PIK3R3: variants seen among roughly 807,000 people sequenced by gnomAD.
PIK3R3 encodes the protein phosphatidylinositol 3-kinase regulatory subunit gamma.
In PIK3R3, 64 loss-of-function variants were observed where a neutral mutation model predicts 62.9. The ratio of observed to expected loss-of-function variants is 1.02; its 90% CI spans 0.83 to 1.25. The LOEUF (loss-of-function observed/expected upper bound fraction) is 1.25, where lower values mean the gene tolerates loss of function less well. Among genes scored for constraint, PIK3R3 ranks in the 50% most tolerant of loss-of-function variants. PIK3R3 has a pLI of 0.00. For synonymous variants in PIK3R3, 165 were observed against 189.0 expected (o/e 0.87, Z 1.04); for missense variants, 614 against 561.6 (o/e 1.09, Z -0.94).
At chr1:46,132,955 G>GC, upstream of PIK3R3, 1 of 1,125,382 alleles carries the variant, frequency 8.9e-7, no homozygotes, top group Non-Finnish European at 1.1e-6. Context: ...AGGAGTCAGT[G>GC]CCGGGAGCAC....
the PIK3R3 span, among the ~76,000 whole-genome samples, chr1:46,140,639 G>T: frequency 1.4e-5 from 2 of 146,816 alleles, no homozygotes; most frequent in African/African-American, 2.5e-5. Context: ...TGTGAAGACA[G>T]TAATAGAGAT....
intron 1 of PIK3R3, among the ~76,000 whole-genome samples, chr1:46,095,000 T>G (rs1431604709): frequency 6.6e-6 from 1 of 152,180 alleles, no homozygotes; most frequent in East Asian, 1.9e-4. Context: ...CTACTATTTC[T>G]CTCTGAAAAT....
chr1:46,159,264 AT>A, the PIK3R3 span, among the ~76,000 whole-genome samples: 1 of 152,088 alleles, frequency 6.6e-6, no homozygotes, highest in Non-Finnish European at 1.5e-5. Flanking sequence ...TTTCCACTAG[AT>A]TATAAATTCC....
At chr1:46,131,336 T>C (rs2149480728) in intron 1 of PIK3R3, among the ~76,000 whole-genome samples, 1 of 150,756 alleles carries the variant, frequency 6.6e-6, no homozygotes, top group South Asian at 2.1e-4. Context: ...AAAAAGGGAG[T>C]CTTACAATGA....
chr1:46,133,070 T>C (rs1012622595), upstream of PIK3R3: 13 of 1,003,232 alleles, frequency 1.3e-5, no homozygotes, highest in African/African-American at 1.9e-4. Context: ...TTTGTCTGCC[T>C]TGCTCCTGCG....
chr1:46,116,200 T>C (rs991636906), intron 1 of PIK3R3, among the ~76,000 whole-genome samples: 5 of 152,034 alleles, frequency 3.3e-5, no homozygotes, highest in Non-Finnish European at 7.4e-5. Flanking sequence ...CCACAAAGCA[T>C]CCCAGTTTTA....
chr1:46,136,071 T>A (rs1655920195), upstream of PIK3R3, among the ~76,000 whole-genome samples: 1 of 120,502 alleles, frequency 8.3e-6, no homozygotes. Context: ...GGAAATATAC[T>A]TTTTTTTTTT....
intron 2 of PIK3R3, among the ~76,000 whole-genome samples, chr1:46,077,831 C>T (rs1257346554): frequency 2.0e-5 from 3 of 152,100 alleles, no homozygotes; most frequent in Non-Finnish European, 4.4e-5. Context: ...TACAGAAGAG[C>T]TATTTGATTT....
At chr1:46,051,052 T>C (rs1394984389) in intron 7 of PIK3R3, among the ~76,000 whole-genome samples, 1 of 151,772 alleles carries the variant, frequency 6.6e-6, no homozygotes, top group African/African-American at 2.4e-5. Context: ...ATGAAAGAGG[T>C]GATAGGGATG....
At chr1:46,095,721 A>T (rs1238206986) in intron 1 of PIK3R3, among the ~76,000 whole-genome samples, 1 of 152,202 alleles carries the variant, frequency 6.6e-6, no homozygotes, top group African/African-American at 2.4e-5. Context: ...AGGTTGACAC[A>T]TTTAGGTTGA....
At chr1:46,127,599 CTCTT>C in intron 1 of PIK3R3, among the ~76,000 whole-genome samples, 1 of 152,242 alleles carries the variant, frequency 6.6e-6, no homozygotes, top group Admixed American at 6.5e-5. Context: ...AAAGGTGACG[CTCTT>C]TGAGAGGCCT....
chr1:46,087,233 T>G (rs1368732135), intron 1 of PIK3R3, among the ~76,000 whole-genome samples: 2 of 151,942 alleles, frequency 1.3e-5, no homozygotes, highest in African/African-American at 4.8e-5. Flanking sequence ...AACTGCACGT[T>G]GTGCACATGT....
At chr1:46,084,497 C>CT (rs1450209904) in intron 1 of PIK3R3, among the ~76,000 whole-genome samples, 1 of 152,104 alleles carries the variant, frequency 6.6e-6, no homozygotes, top group South Asian at 2.1e-4. Context: ...ATAATCCATA[C>CT]TTTTTTTCAA....
chr1:46,155,529 C>T, the PIK3R3 span, among the ~76,000 whole-genome samples: 1 of 151,926 alleles, frequency 6.6e-6, no homozygotes, highest in Non-Finnish European at 1.5e-5. Context: ...TCAATGCAGC[C>T]TCAATCTACC....
intron 1 of PIK3R3, among the ~76,000 whole-genome samples, chr1:46,099,798 T>A (rs1176393711): frequency 6.6e-6 from 1 of 152,212 alleles, no homozygotes; most frequent in African/African-American, 2.4e-5. Flanking sequence ...AGTTGCTCTC[T>A]ACAATGAGGT....
At chr1:46,152,371 T>C in the PIK3R3 span, among the ~76,000 whole-genome samples, 1 of 152,196 alleles carries the variant, frequency 6.6e-6, no homozygotes, top group Non-Finnish European at 1.5e-5. Flanking sequence ...TTCCTAAAAA[T>C]ACCCTCAACT....
intron 1 of PIK3R3, among the ~76,000 whole-genome samples, chr1:46,123,155 ATT>A (rs1654824047): frequency 1.3e-5 from 2 of 152,248 alleles, no homozygotes; most frequent in South Asian, 4.1e-4. Context: ...GGTGAATTAT[ATT>A]CATGAAATAA....
chr1:46,056,044 C>G (rs1011210772), intron 6 of PIK3R3, 73 bp from the exon 7 acceptor site: 2 of 957,524 alleles, frequency 2.1e-6, no homozygotes, highest in Admixed American at 5.8e-5. Flanking sequence ...GAGCACGGTC[C>G]TAATATCCTT....
At chr1:46,102,742 CA>C (rs986424612) in intron 1 of PIK3R3, among the ~76,000 whole-genome samples, 20 of 130,712 alleles carry the variant, frequency 1.5e-4, no homozygotes, top group African/African-American at 5.8e-4. Context: ...GGAGGTTCCT[CA>C]AAAAAAATTT....
Sources: gnomAD v4.1 joint callset for allele counts (sites outside exome capture counted in the v4.1 genomes callset) on GRCh38, gnomAD v4.1.1 for gene constraint, MANE v1.5 for transcripts, NCBI Gene and HGNC (gene_info 2026-07-23, HGNC 2026-07-21) for gene names.